SRRM2: variants seen among roughly 807,000 people sequenced by gnomAD.
The protein encoded by SRRM2 is serine/arginine repetitive matrix 2.
A neutral mutation model predicts 213.8 loss-of-function variants in SRRM2; 30 were observed. The ratio of observed to expected loss-of-function variants is 0.14; its 90% CI spans 0.10 to 0.19. The LOEUF (loss-of-function observed/expected upper bound fraction) is 0.19, where lower values mean the gene tolerates loss of function less well. SRRM2 is among the 10% of genes least tolerant of loss of function. SRRM2 has a pLI of 1.00. For synonymous variants in SRRM2, 2,025 were observed against 1,377.7 expected (o/e 1.47, Z -10.40); for missense variants, 4,904 against 3,647.0 (o/e 1.34, Z -8.88).
chr16:2,767,197 A>G lies in SRRM2; in HGVS notation c.6669A>G (p.Ala2223=). Residue 2223 remains alanine (A), a synonymous_variant, in exon 11 of 15, where the codon GCA becomes GCG. Coordinates refer to ENST00000301740, the MANE Select transcript of SRRM2 (RefSeq NM_016333.4). ...TGCCTCTCATGAGTCTCAGAACCGCACCAGCAGCCAACCTTGCCAGCAGGA... is the reference window on the plus strand; with the variant it reads ...TGCCTCTCATGAGTCTCAGAACCGCGCCAGCAGCCAACCTTGCCAGCAGGA... ...APVPLMSLRT[A]PAANLASRIP... is the part of the protein sequence containing the mutation. The G allele has an allele frequency of 1.9e-6, 3 of 1,614,152 alleles. No homozygotes were observed. The highest frequency in any genetic ancestry group is 8.5e-7 in the Non-Finnish European group (1 of 1,180,022).
chr16:2,766,585 G>A lies in SRRM2; in HGVS notation c.6057G>A (p.Arg2019=), dbSNP rs766185919. 1.2e-6 allele frequency: 2 copies of A among 1,613,496 alleles called. No homozygotes were observed. The highest frequency in any genetic ancestry group is 2.2e-5 in the East Asian group (1 of 44,848). The change falls in exon 11 of 15, where the codon AGG becomes AGA. Residue 2019 remains arginine, a synonymous_variant. Transcript: ENST00000301740. The surrounding 1 kb of genome is among the most constrained non-coding windows in gnomAD (Gnocchi z 7.0). ...RTSPVTRRRS[R]SRTPPAIRRR... is the part of the protein sequence containing the mutation. The stretch of plus-strand genomic sequence containing the variant: ...CACCAGTGACACGCCGCCGCTCTAG[G>A]TCCCGGACACCTCCAGCTATTCGGC...
intron 11 of SRRM2, 174 bp from the exon 12 acceptor site, chr16:2,768,823 G>A: frequency 7.5e-7 from 1 of 1,327,150 alleles, no homozygotes; most frequent in Non-Finnish European, 1.0e-6. Flanking sequence ...TGTTAGCAGA[G>A]GTTGGGTCAG....
At position 2,766,877 on chromosome 16, in the gene SRRM2, T is replaced by C. The variant is rs1416413590; in HGVS notation, c.6349T>C (p.Phe2117Leu). 2 of 1,614,112 alleles carry C rather than the reference T, an allele frequency of 1.2e-6. No homozygotes were observed. Among genetic ancestry groups the C allele is most frequent in the South Asian group, 1.1e-5 (1 of 91,082 alleles). The part of the protein sequence containing the change: ...VALNSSRMSC[F>L]SRPSMSPTPL... ...ACTCAACAGTTCCAGAATGAGCTGC[T>C]TCAGTCGTCCTAGCATGTCCCCAAC... Residue 2117 changes from phenylalanine (F) to leucine (L), a missense_variant, in exon 11 of 15, where the codon TTC (phenylalanine) becomes CTC (leucine). Transcript: ENST00000301740. This position sits in a 1 kb window ranked among gnomAD's most constrained non-coding sequence, Gnocchi z 7.0.
Position 2,766,216 on chromosome 16 carries a change from C to T in SRRM2, c.5688C>T (p.Ser1896=), listed in dbSNP as rs2150778490. 1 of 1,614,172 alleles carries T rather than the reference C, an allele frequency of 6.2e-7. No individual in the cohort carries two copies. The part of the protein sequence containing the change: ...RRSRSRTSPV[S]RRRSRSRTSV... ...CCAGATCTCGAACTTCACCAGTCAG[C>T]CGGAGACGGTCAAGGTCCAGGACTT... Residue 1896 remains serine, a synonymous_variant, in exon 11 of 15, where the codon AGC becomes AGT. Transcript: ENST00000301740. The surrounding 1 kb of genome is among the most constrained non-coding windows in gnomAD (Gnocchi z 7.0).
intron 10 of SRRM2, chr16:2,760,824 A>C: frequency 4.0e-6 from 1 of 250,178 alleles, no homozygotes. Flanking sequence ...TTTTCATTAA[A>C]TGCTGGTCAT....
In SRRM2 at chr16:2,771,196, C is replaced by A; in HGVS notation, c.*329C>A. The stretch of plus-strand genomic sequence containing the variant: ...ATGGCCCCACTTGTATCCAGAAGTT[C>A]CCAGGGGTGATTGTGATGGTGGTTG... On this transcript the variant is annotated 3_prime_UTR_variant, in exon 15 of 15. Coordinates refer to ENST00000301740, the MANE Select transcript of SRRM2 (RefSeq NM_016333.4). The A allele has an allele frequency of 1.6e-6, 1 of 644,984 alleles. No homozygotes were observed. The highest frequency in any genetic ancestry group is 2.6e-5 in the Admixed American group (1 of 37,948). The allele number at this position is 644,984 out of a possible 1,614,324, so 40.0% of individuals were successfully genotyped here.
chr16:2,768,702 C>G, intron 11 of SRRM2: 1 of 690,150 alleles, frequency 1.4e-6, no homozygotes, highest in Non-Finnish European at 2.6e-6. Flanking sequence ...AGGAAGGAGA[C>G]TACCCAGCTT....
intron 5 of SRRM2, 59 bp from the exon 6 acceptor site, chr16:2,758,926 A>G (rs934219916): frequency 5.6e-6 from 9 of 1,597,474 alleles, no homozygotes; most frequent in Admixed American, 5.1e-5. Flanking sequence ...AGAGATTGTA[A>G]GTGGGAGGGC....
intron 1 of SRRM2, among the ~76,000 whole-genome samples, chr16:2,755,956 C>A (rs1322687333): frequency 6.6e-6 from 1 of 152,090 alleles, no homozygotes; most frequent in Non-Finnish European, 1.5e-5. Flanking sequence ...GGTAAACACA[C>A]CACTTGTGCA....
chr16:2,764,943 C>G lies in SRRM2; in HGVS notation c.4415C>G (p.Thr1472Arg). The G allele has an allele frequency of 6.2e-7, 1 of 1,614,140 alleles. No individual in the cohort carries two copies. The highest frequency in any genetic ancestry group is 8.5e-7 in the Non-Finnish European group (1 of 1,180,026). Residue 1472 changes from threonine (T) to arginine (R), a missense_variant, in exon 11 of 15, where the codon ACG (threonine) becomes AGG (arginine). Thr to Arg is a moderately conservative substitution (Grantham distance 71, BLOSUM62 -1). Transcript: ENST00000301740. ...CCTGGAATGAAAGATATACCTAGAA[C>G]GCCATCTAGAGGGAGAAGCGAATGT... ...SSPGMKDIPR[T>R]PSRGRSECDS...
chr16:2,769,364 C>A (rs901614635), intron 12 of SRRM2, 80 bp downstream of exon 12: 1 of 1,471,170 alleles, frequency 6.8e-7, no homozygotes, highest in Non-Finnish European at 9.1e-7. Context: ...TGTGAGCTCC[C>A]CGCTGGGTGT....
Position 2,763,421 on chromosome 16 carries a change from C to G in SRRM2, c.2893C>G (p.Pro965Ala). Residue 965 changes from proline to alanine, a missense_variant, in exon 11 of 15, where the codon CCA becomes GCA. Pro to Ala is a conservative substitution (Grantham distance 27). Transcript: ENST00000301740. ...CTCCAATGTGGAATCCAGATTGTTG[C>G]CAAGATACAGTCATTCTGGGTCCTC... ...PCSNVESRLL[P>A]RYSHSGSSSP... The G allele has an allele frequency of 6.2e-7, 1 of 1,614,184 alleles. No individual in the cohort carries two copies. The highest frequency in any genetic ancestry group is 2.2e-5 in the East Asian group (1 of 44,892).
Position 2,762,451 on chromosome 16 carries a change from CAGG to C in SRRM2, c.1926_1928del (p.Arg643del). ...GCAGGTCTCGTAGTAGATCACCAGC[CAGG>C]AGAAGTGGCAGGTCACGCTCTAGAA... On this transcript the variant is annotated inframe_deletion, in exon 11 of 15. Coordinates refer to ENST00000301740, the MANE Select transcript of SRRM2 (RefSeq NM_016333.4). 1.2e-6 allele frequency: 2 copies of C among 1,613,912 alleles called. No homozygotes were observed. Among genetic ancestry groups the C allele is most frequent in the Non-Finnish European group, 8.5e-7 (1 of 1,179,956 alleles).
chr16:2,771,272 A>G lies in SRRM2; in HGVS notation c.*405A>G, dbSNP rs766748614. ...TTGGAAGGAAGGGGCAGGAGTTGGA[A>G]TTAGTTGGTCCCTACTGTCCCCCAT... is the stretch of plus-strand genomic sequence containing the variant. On this transcript the variant is annotated 3_prime_UTR_variant, in exon 15 of 15. Coordinates refer to ENST00000301740, the MANE Select transcript of SRRM2 (RefSeq NM_016333.4). 1 of 791,594 alleles carries G rather than the reference A, an allele frequency of 1.3e-6. No homozygotes were observed. The highest frequency in any genetic ancestry group is 2.1e-6 in the Non-Finnish European group (1 of 468,066). 49.0% of individuals were successfully genotyped at this position (791,594 alleles called of 1,614,324 possible).
rs149922891 is a variant in SRRM2, at chr16:2,760,367, A to G, written c.900A>G (p.Ser300=). 217 of 1,613,968 alleles carry G rather than the reference A, an allele frequency of 1.3e-4. No homozygotes were observed. The highest frequency in any genetic ancestry group is 1.7e-4 in the Non-Finnish European group (204 of 1,180,026). Residue 300 remains serine (S), a synonymous_variant, in exon 10 of 15, where the codon TCA becomes TCG. Coordinates refer to ENST00000301740, the MANE Select transcript of SRRM2 (RefSeq NM_016333.4). The part of the protein sequence containing the change: ...ALAGRSPSPA[S]GRRGEGDAPF... ...CTGGGCGAAGTCCTTCCCCTGCTTCAGGGCGACGCGGGGAGGGAGATGCGC... is the reference window on the plus strand; with the variant it reads ...CTGGGCGAAGTCCTTCCCCTGCTTCGGGGCGACGCGGGGAGGGAGATGCGC...
In SRRM2 at chr16:2,764,067, C is replaced by T. The variant is rs760965672; in HGVS notation, c.3539C>T (p.Pro1180Leu). Residue 1180 changes from proline to leucine, a missense_variant, in exon 11 of 15, where the codon CCT (proline) becomes CTT (leucine). Physicochemically the swap from Pro to Leu is moderately conservative, Grantham distance 98 (BLOSUM62 -3). Coordinates refer to ENST00000301740, the MANE Select transcript of SRRM2 (RefSeq NM_016333.4). The part of the protein sequence containing the change: ...LPPQEDATAS[P>L]PRQKDKFSPF... ...CCTCAGGAGGATGCTACTGCATCAC[C>T]TCCTAGACAGAAAGACAAATTTAGT... 17 of 1,613,972 alleles carry T rather than the reference C, an allele frequency of 1.1e-5. No homozygotes were observed. Among genetic ancestry groups the T allele is most frequent in the Middle Eastern group, 3.3e-4 (2 of 6,084 alleles).
Position 2,767,841 on chromosome 16 carries a change from C to T in SRRM2, c.7313C>T (p.Ser2438Phe), listed in dbSNP as rs1195195774. 2.5e-6 allele frequency: 4 copies of T among 1,614,080 alleles called. No individual in the cohort carries two copies. Among genetic ancestry groups the T allele is most frequent in the Non-Finnish European group, 2.5e-6 (3 of 1,179,998 alleles). The change falls in exon 11 of 15, where the codon TCT becomes TTT. Residue 2438 changes from serine (S) to phenylalanine (F), a missense_variant. Physicochemically the swap from Ser to Phe is radical, Grantham distance 155. Coordinates refer to ENST00000301740, the MANE Select transcript of SRRM2 (RefSeq NM_016333.4). ...AGAATGGGCCAGGCTCCTTCACAGT[C>T]TCTTCTCCCTCCAGCACAGGATCAG... ...SSRMGQAPSQ[S>F]LLPPAQDQPR...
In SRRM2 at chr16:2,766,854, T is replaced by A; in HGVS notation, c.6326T>A (p.Leu2109His). The change falls in exon 11 of 15, where the codon CTC becomes CAC. Residue 2109 changes from leucine to histidine, a missense_variant. Leu to His is a moderately conservative substitution (Grantham distance 99). Coordinates refer to ENST00000301740, the MANE Select transcript of SRRM2 (RefSeq NM_016333.4). This position sits in a 1 kb window ranked among gnomAD's most constrained non-coding sequence, Gnocchi z 7.0. Reference protein sequence around the residue: ...HSGSRTPPVALNSSRMSCFSR... With the variant: ...HSGSRTPPVAHNSSRMSCFSR... ...GGTTCACGGACACCTCCAGTAGCAC[T>A]CAACAGTTCCAGAATGAGCTGCTTC... is the stretch of plus-strand genomic sequence containing the variant. 6.2e-7 allele frequency: 1 copy of A among 1,614,136 alleles called. No homozygotes were observed. Among genetic ancestry groups the A allele is most frequent in the Non-Finnish European group, 8.5e-7 (1 of 1,180,006 alleles).
chr16:2,762,086 C>G lies in SRRM2; in HGVS notation c.1558C>G (p.Gln520Glu). ...SPQWRRSRSA[Q>E]RWGRSRSPQR... ...CCAGTGGCGTAGGTCCAGGTCTGCA[C>G]AGAGGTGGGGAAGATCTAGAAGCCC... Residue 520 changes from glutamine (Q) to glutamate (E), a missense_variant, in exon 11 of 15, where the codon CAG (glutamine) becomes GAG (glutamate). By Grantham distance (29) the Gln-to-Glu change is conservative. Transcript: ENST00000301740. 1 of 1,614,208 alleles carries G rather than the reference C, an allele frequency of 6.2e-7. No individual in the cohort carries two copies. Among genetic ancestry groups the G allele is most frequent in the Non-Finnish European group, 8.5e-7 (1 of 1,180,036 alleles).
Sources: gnomAD v4.1 joint callset for allele counts (sites outside exome capture counted in the v4.1 genomes callset) on GRCh38, gnomAD v4.1.1 for gene constraint, Gnocchi (gnomAD v3.1) non-coding constraint, MANE v1.5 for transcripts, NCBI Gene and HGNC (gene_info 2026-07-23, HGNC 2026-07-21) for gene names.